Variants in FAF1 observed in about 807,000 individuals in gnomAD.
FAF1 encodes Fas associated factor 1.
Under a neutral mutation model 92.5 loss-of-function variants are expected in FAF1, and 25 were observed. That is an observed-to-expected ratio of 0.27 (90% CI 0.20 to 0.38). FAF1 has a LOEUF of 0.38. Ranked by LOEUF, FAF1 falls within the 10% of genes least tolerant of loss-of-function variation. The pLI is 1.00. For missense variants in FAF1, 636 were observed against 793.3 expected (o/e 0.80, Z 2.38); for synonymous variants, 234 against 273.2 (o/e 0.86, Z 1.42).
chr1:50,674,686 T>G (rs887292113), intron 7 of FAF1, among the ~76,000 whole-genome samples: 3 of 152,148 alleles, frequency 2.0e-5, no homozygotes, highest in African/African-American at 4.8e-5. Context: ...TTTGAGGTTG[T>G]CTATCCTTGA....
At chr1:50,734,950 G>T (rs1659082015) in intron 6 of FAF1, among the ~76,000 whole-genome samples, 2 of 152,152 alleles carry the variant, frequency 1.3e-5, no homozygotes, top group Non-Finnish European at 2.9e-5. Context: ...CTGCTGAGAA[G>T]AGAACTCTCC....
At position 50,441,646 on chromosome 1, in the gene FAF1, A is replaced by G. The variant is rs1208347519; in HGVS notation, c.1870-123T>C. 6 of 477,848 alleles carry G rather than the reference A, an allele frequency of 1.3e-5. No homozygotes were observed. In the Admixed American group the frequency reaches 1.6e-4, roughly 13 times the overall value. 29.6% of individuals were successfully genotyped at this position (477,848 alleles called of 1,614,324 possible). On this transcript the variant is annotated intron_variant, in intron 18 of 18. Coordinates refer to ENST00000396153, the MANE Select transcript of FAF1 (RefSeq NM_007051.3). ...GCACTGGCACGAAGAGTCTCGCAGT[A>G]TCTTAGTTGATCTTCAAAATAACCT...
chr1:50,815,138 T>C (rs1643954820), intron 2 of FAF1, among the ~76,000 whole-genome samples: 1 of 152,208 alleles, frequency 6.6e-6, no homozygotes, highest in African/African-American at 2.4e-5. Flanking sequence ...ATTTGTTACA[T>C]GGCTATATTG....
chr1:50,500,740 A>C (rs1264756885), intron 15 of FAF1, among the ~76,000 whole-genome samples: 1 of 152,154 alleles, frequency 6.6e-6, no homozygotes, highest in East Asian at 1.9e-4. Flanking sequence ...TATCATGTGT[A>C]CCCCATAAAT....
rs142821928 is a variant in FAF1, at chr1:50,788,076, T to G, written c.291A>C (p.Gln97His). 1.9e-6 allele frequency: 3 copies of G among 1,614,124 alleles called. No individual in the cohort carries two copies. Among genetic ancestry groups the G allele is most frequent in the Non-Finnish European group, 2.5e-6 (3 of 1,179,990 alleles). Residue 97 changes from glutamine (Q) to histidine (H), a missense_variant, in exon 4 of 19, where the codon CAA (glutamine) becomes CAC (histidine). Gln to His is a conservative substitution (Grantham distance 24). Coordinates refer to ENST00000396153, the MANE Select transcript of FAF1 (RefSeq NM_007051.3). ...VMPSRQIVER[Q>H]PRMLDFRVEY... is the part of the protein sequence containing the mutation. Reference sequence around the variant, plus strand: ...CAACCCTGAAGTCCAGCATCCGAGGTTGCCTTTCTACAATCTGCCTGGATG... The same window carrying G: ...CAACCCTGAAGTCCAGCATCCGAGGGTGCCTTTCTACAATCTGCCTGGATG...
chr1:50,728,808 A>C (rs1276615144), intron 6 of FAF1, among the ~76,000 whole-genome samples: 2 of 150,700 alleles, frequency 1.3e-5, no homozygotes, highest in African/African-American at 2.4e-5. Flanking sequence ...AAAAAAAGAA[A>C]AGAAAAAGAA....
At chr1:50,670,588 T>C (rs1655832385) in intron 7 of FAF1, among the ~76,000 whole-genome samples, 1 of 152,232 alleles carries the variant, frequency 6.6e-6, no homozygotes, top group Admixed American at 6.5e-5. Context: ...GTTAAATTAA[T>C]TCTTCAAAAT....
chr1:50,932,485 C>G (rs1049692178), intron 1 of FAF1, among the ~76,000 whole-genome samples: 1 of 152,208 alleles, frequency 6.6e-6, no homozygotes, highest in African/African-American at 2.4e-5. Flanking sequence ...CCTTTGACTC[C>G]AGGTCTCACA....
At chr1:50,602,318 A>G (rs1279797995) in intron 8 of FAF1, among the ~76,000 whole-genome samples, 1 of 152,332 alleles carries the variant, frequency 6.6e-6, no homozygotes, top group East Asian at 1.9e-4. Flanking sequence ...AGATTTGGGA[A>G]TGCTACCGGA....
intron 1 of FAF1, among the ~76,000 whole-genome samples, chr1:50,909,309 C>T (rs978188607): frequency 6.6e-6 from 1 of 152,142 alleles, no homozygotes; most frequent in Non-Finnish European, 1.5e-5. Context: ...CCCTTAACAT[C>T]TTTTCCTTCA....
chr1:50,461,704 GTTT>G (rs1403492662), intron 18 of FAF1, among the ~76,000 whole-genome samples: 5 of 152,022 alleles, frequency 3.3e-5, no homozygotes, highest in Admixed American at 3.3e-4. Flanking sequence ...AAATCTGCTG[GTTT>G]GGTAAAACAG....
rs966148213 is a variant in FAF1 at position 50,958,645 on chromosome 1, T to C, written c.45+1122A>G. Among the ~76,000 whole-genome samples the C allele has an allele frequency of 3.2e-4, 48 of 148,920 alleles. 1 individual carries two copies. The highest frequency in any genetic ancestry group is 1.2e-3 in the African/African-American group (48 of 40,188). Reference sequence around the variant, plus strand: ...ATGAGCCGAGATCGCGCCACTGCACTCCAGCCTGGGCGACAGAGCGAGACT... The same window carrying C: ...ATGAGCCGAGATCGCGCCACTGCACCCCAGCCTGGGCGACAGAGCGAGACT... On this transcript the variant is annotated intron_variant, in intron 1 of 18. Coordinates refer to ENST00000396153, the MANE Select transcript of FAF1 (RefSeq NM_007051.3).
intron 13 of FAF1, among the ~76,000 whole-genome samples, chr1:50,549,434 G>C (rs1298924120): frequency 2.0e-5 from 3 of 151,372 alleles, no homozygotes; most frequent in African/African-American, 7.3e-5. Context: ...TCAGCCTCCC[G>C]AGTAGCTGGG....
Position 50,821,412 on chromosome 1 carries a change from A to G in FAF1, c.115-19735T>C, listed in dbSNP as rs192753252. Among the ~76,000 whole-genome samples the G allele has an allele frequency of 1.5e-3, 234 of 152,302 alleles. 1 individual carries two copies. The highest frequency in any genetic ancestry group is 5.5e-3 in the African/African-American group (227 of 41,574). ...AAAATTCAGATAGTTTTTAGCATAC[A>G]TATTAAAGGAACATAAAAAAACTTT... On this transcript the variant is annotated intron_variant, in intron 2 of 18. Transcript: ENST00000396153.
chr1:50,864,366 CT>C (rs2124673424), intron 1 of FAF1, among the ~76,000 whole-genome samples: 1 of 151,984 alleles, frequency 6.6e-6, no homozygotes, highest in South Asian at 2.1e-4. Context: ...CCTCTACACA[CT>C]GCTTTGAATG....
chr1:50,651,161 G>A (rs1162223549), intron 8 of FAF1, among the ~76,000 whole-genome samples: 6 of 152,292 alleles, frequency 3.9e-5, no homozygotes, highest in Non-Finnish European at 7.4e-5. Context: ...CCTGTTGGGT[G>A]AGTCAAAGGT....
intron 18 of FAF1, among the ~76,000 whole-genome samples, chr1:50,474,795 G>A (rs991609391): frequency 6.6e-6 from 1 of 152,030 alleles, no homozygotes; most frequent in Admixed American, 6.6e-5. Flanking sequence ...CTTCATTTAG[G>A]TTGCCAACAA....
chr1:50,681,820 CTT>C (rs1396117970), intron 7 of FAF1, among the ~76,000 whole-genome samples: 1 of 150,714 alleles, frequency 6.6e-6, no homozygotes, highest in Admixed American at 6.6e-5. Context: ...TTCCCGGCCT[CTT>C]TTGTTTTTTT....
intron 8 of FAF1, among the ~76,000 whole-genome samples, chr1:50,610,952 A>T (rs1652658151): frequency 6.6e-6 from 1 of 152,258 alleles, no homozygotes; most frequent in Non-Finnish European, 1.5e-5. Context: ...AAACATTCAG[A>T]GAGCTACAAA....
Sources: allele counts gnomAD v4.1 joint callset (sites outside exome capture counted in the v4.1 genomes callset), GRCh38; gene constraint gnomAD v4.1.1; transcripts MANE v1.5; gene names NCBI Gene and HGNC (gene_info 2026-07-23, HGNC 2026-07-21).